Variants in SYN3 observed in about 807,000 individuals in gnomAD.
SYN3 encodes synapsin III, also known as synapsin-3.
In SYN3, 35 loss-of-function variants were observed where a neutral mutation model predicts 65.8. The observed-to-expected ratio is 0.53, with a 90% confidence interval of 0.41 to 0.70. The LOEUF (loss-of-function observed/expected upper bound fraction) is 0.70. Among genes scored for constraint, SYN3 ranks in the 30% least tolerant of loss-of-function variants. SYN3 has a pLI of 0.00. For missense variants in SYN3, 680 were observed against 749.0 expected, an observed-to-expected ratio of 0.91 and a Z score of 1.08; for synonymous variants, 270 against 292.9, an observed-to-expected ratio of 0.92 and a Z score of 0.80.
chr22:32,864,163 T>C (rs1369898884), intron 6 of SYN3, among the ~76,000 whole-genome samples: 1 of 152,214 alleles, frequency 6.6e-6, no homozygotes, highest in Non-Finnish European at 1.5e-5. Flanking sequence ...ACTCTATTCA[T>C]TATTCTGTTC....
At chr22:32,950,256 C>G (rs913309669) in intron 3 of SYN3, among the ~76,000 whole-genome samples, 3 of 152,194 alleles carry the variant, frequency 2.0e-5, no homozygotes, top group African/African-American at 7.2e-5. Context: ...GCTAGAACAA[C>G]TTCAGACCCC....
intron 6 of SYN3, chr22:32,859,752 C>T (rs2048484060): frequency 3.7e-6 from 1 of 273,348 alleles, no homozygotes; most frequent in African/African-American, 2.3e-5. Flanking sequence ...TCTTCCCCAC[C>T]TCACCATCTC....
intron 4 of SYN3, among the ~76,000 whole-genome samples, chr22:32,910,984 C>T (rs2146579674): frequency 6.6e-6 from 1 of 152,342 alleles, no homozygotes; most frequent in African/African-American, 2.4e-5. Flanking sequence ...TCCAGGTCAG[C>T]TTAACTGCAT....
chr22:32,698,671 T>C (rs909656488), intron 6 of SYN3, among the ~76,000 whole-genome samples: 2 of 152,252 alleles, frequency 1.3e-5, no homozygotes, highest in Non-Finnish European at 2.9e-5. Flanking sequence ...TTATCCTTAG[T>C]ACCTAGCAAA....
chr22:32,802,017 G>T, intron 6 of SYN3: 2 of 1,578,118 alleles, frequency 1.3e-6, no homozygotes, highest in East Asian at 2.3e-5. Context: ...CCCTTGGCTC[G>T]GGCTCATCGT....
intron 10 of SYN3, among the ~76,000 whole-genome samples, chr22:32,531,363 T>G (rs1475032430): frequency 6.6e-6 from 1 of 151,794 alleles, no homozygotes; most frequent in African/African-American, 2.4e-5. Flanking sequence ...TCTCTCCCCC[T>G]GCCCCTGCCA....
At position 32,533,891 on chromosome 22, in the gene SYN3, T is replaced by C; in HGVS notation, c.997A>G (p.Arg333Gly). The change falls in exon 10 of 14, where the codon AGG (arginine) becomes GGG (glycine). Residue 333 changes from arginine (R) to glycine (G), a missense_variant. Arg to Gly is a moderately radical substitution (Grantham distance 125). Coordinates refer to ENST00000358763, the MANE Select transcript of SYN3 (RefSeq NM_003490.4). ...LEQVAMTERYRLWVDSCSEMF... is the reference protein window; with the variant it reads ...LEQVAMTERYGLWVDSCSEMF... ...TCCGAGCAGCTGTCCACCCACAGCC[T>C]GTACCTGCAGGGACAGATGGACAGA... 1 of 1,612,264 alleles carries C rather than the reference T, an allele frequency of 6.2e-7. No individual in the cohort carries two copies. The highest frequency in any genetic ancestry group is 2.2e-5 in the East Asian group (1 of 44,824).
rs12160781 is a variant in SYN3, at chr22:32,652,395, A to G, written c.712-55659T>C. Among the ~76,000 whole-genome samples, 21 of 142,214 alleles carry G rather than the reference A, an allele frequency of 1.5e-4. No individual in the cohort carries two copies. The South Asian group carries it at 2.7e-3, about 18-fold the overall frequency. 93.3% of individuals were successfully genotyped at this position (142,214 alleles called of 152,430 possible). Reference sequence around the variant, plus strand: ...GCGATGCAAGTTTTTTTTTTTTTGGAAAAAAAAAAGTTTTCTTTTTTGGAA... The same window carrying G: ...GCGATGCAAGTTTTTTTTTTTTTGGGAAAAAAAAAGTTTTCTTTTTTGGAA... On this transcript the variant is annotated intron_variant, in intron 6 of 13. Transcript: ENST00000358763.
chr22:32,697,420 T>C (rs2060751356), intron 6 of SYN3, among the ~76,000 whole-genome samples: 1 of 152,226 alleles, frequency 6.6e-6, no homozygotes, highest in South Asian at 2.1e-4. Flanking sequence ...ATATCTATCC[T>C]GTTGGGTTGT....
intron 1 of SYN3, among the ~76,000 whole-genome samples, chr22:33,033,048 T>G (rs1466394622): frequency 6.6e-6 from 1 of 152,062 alleles, no homozygotes; most frequent in Non-Finnish European, 1.5e-5. Flanking sequence ...GTTTCGCTCT[T>G]GTTGCTGAGG....
At chr22:32,853,277 CA>C (rs768783524) in intron 6 of SYN3, among the ~76,000 whole-genome samples, 1 of 152,174 alleles carries the variant, frequency 6.6e-6, no homozygotes, top group Non-Finnish European at 1.5e-5. Context: ...TCCTGCTAGA[CA>C]AATTGCTGTA....
intron 1 of SYN3, among the ~76,000 whole-genome samples, chr22:33,025,324 C>T (rs933669607): frequency 1.3e-5 from 2 of 151,254 alleles, no homozygotes; most frequent in African/African-American, 4.9e-5. Context: ...CATGGTGGTG[C>T]ATGCCTGTAG....
rs1476202560 is a variant in SYN3, at chr22:33,008,823, G to T, written c.-162-1999C>A. Among the ~76,000 whole-genome samples, 68 of 151,214 alleles carry T rather than the reference G, an allele frequency of 4.5e-4. 2 individuals carry two copies. Among genetic ancestry groups the T allele is most frequent in the Admixed American group, 4.5e-3 (68 of 15,160 alleles). The stretch of plus-strand genomic sequence containing the variant: ...GCCTGTACGCCCAGCTACTGGGGAG[G>T]CTGAGGCACGAGAATCGCTTGAACC... On this transcript the variant is annotated intron_variant, in intron 1 of 13. Coordinates refer to ENST00000358763, the MANE Select transcript of SYN3 (RefSeq NM_003490.4).
intron 3 of SYN3, among the ~76,000 whole-genome samples, chr22:32,957,542 G>A (rs2051503099): frequency 6.6e-6 from 1 of 152,134 alleles, no homozygotes; most frequent in Non-Finnish European, 1.5e-5. Flanking sequence ...AAATGAAGAA[G>A]AAAAAAGCCC....
At chr22:32,827,742 G>A (rs1306514667) in intron 6 of SYN3, among the ~76,000 whole-genome samples, 8 of 152,162 alleles carry the variant, frequency 5.3e-5, no homozygotes, top group African/African-American at 7.2e-5. Context: ...AAGTTTCTAC[G>A]GGATCTGGCC....
chr22:32,938,267 G>A (rs2050830073), intron 3 of SYN3, among the ~76,000 whole-genome samples: 1 of 152,120 alleles, frequency 6.6e-6, no homozygotes, highest in South Asian at 2.1e-4. Flanking sequence ...GGTGGCTCAC[G>A]CCTGTAATCC....
chr22:32,959,942 C>T (rs546077374), intron 3 of SYN3, among the ~76,000 whole-genome samples: 15 of 152,240 alleles, frequency 9.9e-5, no homozygotes, highest in South Asian at 2.1e-4. Context: ...CTTCCAGCTA[C>T]GCATCAAACA....
intron 6 of SYN3, among the ~76,000 whole-genome samples, chr22:32,679,859 G>C (rs201536614): frequency 8.1e-5 from 1 of 12,304 alleles, no homozygotes. Flanking sequence ...TTTTTTTTTT[G>C]CTATTGAGTT....
At chr22:33,014,716 G>C (rs888474269) in intron 1 of SYN3, among the ~76,000 whole-genome samples, 1 of 152,184 alleles carries the variant, frequency 6.6e-6, no homozygotes, top group African/African-American at 2.4e-5. Context: ...GGAGGCGGGA[G>C]TTGCGGTGAG....
Sources: gnomAD v4.1 joint callset for allele counts (sites outside exome capture counted in the v4.1 genomes callset) on GRCh38, gnomAD v4.1.1 for gene constraint, MANE v1.5 for transcripts, NCBI Gene and HGNC (gene_info 2026-07-23, HGNC 2026-07-21) for gene names.